The following TTLL5 variants were observed in gnomAD, a reference collection of about 807,000 sequenced individuals.
The protein encoded by TTLL5 is tubulin tyrosine ligase like 5, also known as tubulin polyglutamylase TTLL5.
A neutral mutation model predicts 168.4 loss-of-function variants in TTLL5; 132 were observed. The observed-to-expected ratio is 0.78, with a 90% CI of 0.68 to 0.91. The LOEUF (loss-of-function observed/expected upper bound fraction) is 0.91, where lower values mean the gene tolerates loss of function less well. Among genes scored for constraint, TTLL5 ranks in the 40% least tolerant of loss-of-function variants. The probability of loss-of-function intolerance (pLI) is 0.00; values close to 1 mark genes in which losing one functional copy is unlikely to be tolerated. For synonymous variants in TTLL5, 546 were observed against 558.6 expected (o/e 0.98, Z 0.32); for missense variants, 1,545 against 1,581.5 (o/e 0.98, Z 0.39).
intron 6 of TTLL5, among the ~76,000 whole-genome samples, 199 bp downstream of exon 6, chr14:75,690,521 TTATG>T (rs1392849940): frequency 3.9e-5 from 6 of 152,178 alleles, no homozygotes. Context: ...TCAGTATCAT[TTATG>T]TAAGGGCACA....
intron 31 of TTLL5, among the ~76,000 whole-genome samples, chr14:75,929,764 T>C (rs1306678629): frequency 6.6e-6 from 1 of 152,190 alleles, no homozygotes; most frequent in African/African-American, 2.4e-5. Flanking sequence ...AAGATACCTA[T>C]TTTTCACTCA....
In TTLL5 at chr14:75,766,271, T is replaced by C. The variant is rs1208410939; in HGVS notation, c.1918T>C (p.Trp640Arg). The change falls in exon 20 of 32, where the codon TGG (tryptophan) becomes CGG (arginine). Residue 640 changes from tryptophan to arginine, a missense_variant. Coordinates refer to ENST00000298832, the MANE Select transcript of TTLL5 (RefSeq NM_015072.5). ...AGAAAATTCCATGAAAGTTCGTGAA[T>C]GGAATAATAAAGGTGGACACTGCTG... is the stretch of plus-strand genomic sequence containing the variant. Reference protein sequence around the residue: ...PKENSMKVREWNNKGGHCCKL... With the variant: ...PKENSMKVRERNNKGGHCCKL... The C allele has an allele frequency of 6.2e-7, 1 of 1,613,910 alleles. No individual in the cohort carries two copies. The highest frequency in any genetic ancestry group is 8.5e-7 in the Non-Finnish European group (1 of 1,179,990).
In TTLL5 at chr14:75,906,594, A is replaced by C. The variant is rs1054916281; in HGVS notation, c.3823+4370A>C. On this transcript the variant is annotated intron_variant, in intron 31 of 31. Transcript: ENST00000298832. ...CCCCAAGTTATTTTCGCCACATCCA[A>C]ACCCTTGCCCACACAATCTGAAGCC... The C allele has an allele frequency of 4.1e-6, 4 of 985,796 alleles. No individual in the cohort carries two copies. The African/African-American group carries it at 7.0e-5, about 17-fold the overall frequency. 61.1% of individuals were successfully genotyped at this position (985,796 alleles called of 1,614,324 possible).
At chr14:75,825,607 C>A (rs1046750630) in intron 28 of TTLL5, among the ~76,000 whole-genome samples, 1 of 152,046 alleles carries the variant, frequency 6.6e-6, no homozygotes, top group African/African-American at 2.4e-5. Context: ...GTACTTTATC[C>A]TGTTATATAA....
At chr14:75,896,367 A>G (rs1243806877) in intron 30 of TTLL5, among the ~76,000 whole-genome samples, 1 of 152,136 alleles carries the variant, frequency 6.6e-6, no homozygotes, top group African/African-American at 2.4e-5. Context: ...TTATTGCTGT[A>G]TTTTATAAAA....
At chr14:75,928,626 A>C (rs2034166555) in intron 31 of TTLL5, among the ~76,000 whole-genome samples, 2 of 151,872 alleles carry the variant, frequency 1.3e-5, no homozygotes. Context: ...ACAACTTCCT[A>C]ATGGCGTGAG....
chr14:75,811,181 G>GTGTGTA (rs1566614344), intron 27 of TTLL5, among the ~76,000 whole-genome samples: 10 of 121,316 alleles, frequency 8.2e-5, no homozygotes, highest in South Asian at 4.9e-4. Context: ...GTGTGTGTGT[G>GTGTGTA]TGTGTGTATG....
At chr14:75,933,277 A>C (rs1016057378) in intron 31 of TTLL5, among the ~76,000 whole-genome samples, 9 of 152,138 alleles carry the variant, frequency 5.9e-5, no homozygotes, top group African/African-American at 1.9e-4. Flanking sequence ...GACAAGAGTG[A>C]GACCTCATCT....
chr14:75,818,468 A>G (rs1894608155), intron 27 of TTLL5: 4 of 399,472 alleles, frequency 1.0e-5, no homozygotes, highest in South Asian at 1.8e-5. Flanking sequence ...GCGTGTTCCT[A>G]TATCATTATT....
At chr14:75,926,473 G>A (rs897429867) in intron 31 of TTLL5, among the ~76,000 whole-genome samples, 1 of 152,026 alleles carries the variant, frequency 6.6e-6, no homozygotes, top group Non-Finnish European at 1.5e-5. Flanking sequence ...GCATGTTTTT[G>A]CAGTGGCTGG....
intron 27 of TTLL5, among the ~76,000 whole-genome samples, chr14:75,811,207 G>A (rs1894002002): frequency 6.6e-6 from 1 of 151,026 alleles, no homozygotes; most frequent in East Asian, 1.9e-4. Context: ...GTGTGTGTTT[G>A]GGAGTAGAAG....
intron 7 of TTLL5, among the ~76,000 whole-genome samples, chr14:75,702,605 G>A (rs1381280032): frequency 1.3e-5 from 2 of 152,108 alleles, no homozygotes; most frequent in Admixed American, 6.5e-5. Flanking sequence ...TTCCTTGGTG[G>A]AGCCGAGAAC....
intron 28 of TTLL5, among the ~76,000 whole-genome samples, chr14:75,861,971 G>A (rs1299721385): frequency 6.6e-6 from 1 of 152,144 alleles, no homozygotes; most frequent in Non-Finnish European, 1.5e-5. Context: ...TTGTCATTAT[G>A]CCAAACTGAA....
chr14:75,897,074 T>C (rs1356327348), intron 30 of TTLL5, among the ~76,000 whole-genome samples: 1 of 152,170 alleles, frequency 6.6e-6, no homozygotes, highest in Non-Finnish European at 1.5e-5. Flanking sequence ...CTTACAAGGA[T>C]ATTATTTGTT....
In TTLL5 at chr14:75,890,920, C is replaced by T. The variant is rs11159155; in HGVS notation, c.3740+8018C>T. 6.4e-3 allele frequency among the ~76,000 whole-genome samples: 973 copies of T among 152,224 alleles called. 9 individuals carry two copies. Among genetic ancestry groups the T allele is most frequent in the African/African-American group, 0.023 (942 of 41,510 alleles). On this transcript the variant is annotated intron_variant, in intron 30 of 31. Coordinates refer to ENST00000298832, the MANE Select transcript of TTLL5 (RefSeq NM_015072.5). ...ATTTTTAGTAGAGACGGGGTTTCAC[C>T]GTGTTGCCCAGGGTGGTCTTGATCT...
chr14:75,845,982 A>G (rs956782503), intron 28 of TTLL5, among the ~76,000 whole-genome samples: 1 of 152,226 alleles, frequency 6.6e-6, no homozygotes, highest in Non-Finnish European at 1.5e-5. Flanking sequence ...AAATGAAAAA[A>G]AATTAGGGGC....
intron 28 of TTLL5, among the ~76,000 whole-genome samples, chr14:75,828,533 T>C (rs1895366860): frequency 6.6e-6 from 1 of 152,216 alleles, no homozygotes; most frequent in South Asian, 2.1e-4. Flanking sequence ...CCGTAAGGCT[T>C]CCGGTCAACA....
intron 29 of TTLL5, among the ~76,000 whole-genome samples, chr14:75,879,587 A>AT (rs539155921): frequency 5.2e-4 from 79 of 152,190 alleles, no homozygotes; most frequent in Non-Finnish European, 1.0e-3. Flanking sequence ...CAATGAAGTA[A>AT]TTTTTTTTAA....
chr14:75,737,678 TTA>T (rs1888994684), intron 15 of TTLL5: 2 of 1,463,504 alleles, frequency 1.4e-6, no homozygotes, highest in African/African-American at 2.8e-5. Flanking sequence ...TTTTTTAGCT[TTA>T]GTTTTTCATG....
Sources: gnomAD v4.1 joint callset for allele counts (sites outside exome capture counted in the v4.1 genomes callset) on GRCh38, gnomAD v4.1.1 for gene constraint, MANE v1.5 for transcripts, NCBI Gene and HGNC (gene_info 2026-07-23, HGNC 2026-07-21) for gene names.